The following NCKAP5 variants were observed in gnomAD, a reference collection of about 807,000 sequenced individuals.
NCKAP5 encodes the protein NCK associated protein 5.
Under a neutral mutation model 167.0 loss-of-function variants are expected in NCKAP5, and 92 were observed. The ratio of observed to expected loss-of-function variants is 0.55; its 90% CI spans 0.47 to 0.66. NCKAP5 has a LOEUF of 0.66. Among genes scored for constraint, NCKAP5 ranks in the 30% least tolerant of loss-of-function variants. The pLI is 0.00. For missense variants in NCKAP5, 2,378 were observed against 2,315.0 expected (o/e 1.03, Z -0.56); for synonymous variants, 891 against 877.4 (o/e 1.02, Z -0.27).
At chr2:133,173,802 C>G (rs1315836976) in intron 5 of NCKAP5, among the ~76,000 whole-genome samples, 1 of 152,142 alleles carries the variant, frequency 6.6e-6, no homozygotes, top group Non-Finnish European at 1.5e-5. Context: ...AAAATAAAAT[C>G]TGTTTTTGCC....
rs183662356 is a variant in NCKAP5, at chr2:133,520,019, C to T, written c.-61-2432G>A. Among the ~76,000 whole-genome samples, 338 of 151,838 alleles carry T rather than the reference C, an allele frequency of 2.2e-3. 5 individuals are homozygous for T. The highest frequency in any genetic ancestry group is 7.5e-3 in the African/African-American group (311 of 41,382). Reference sequence around the variant, plus strand: ...TGGCCAACATGGTGAAACCCCATCTCTACTAAAAATAAAAAAAAAAAATTA... The same window carrying T: ...TGGCCAACATGGTGAAACCCCATCTTTACTAAAAATAAAAAAAAAAAATTA... On this transcript the variant is annotated intron_variant, in intron 2 of 19. Transcript: ENST00000409261.
At chr2:132,989,151 G>A (rs2077380907) in intron 7 of NCKAP5, among the ~76,000 whole-genome samples, 1 of 152,188 alleles carries the variant, frequency 6.6e-6, no homozygotes, top group Non-Finnish European at 1.5e-5. Flanking sequence ...CCTGTAAAGG[G>A]GGTAACCCTT....
At chr2:133,598,126 C>T in the NCKAP5 span, among the ~76,000 whole-genome samples, 54 of 152,306 alleles carry the variant, frequency 3.5e-4, no homozygotes, top group African/African-American at 1.0e-3. Context: ...CTCTCTATGC[C>T]TAATTTCCTC....
At chr2:133,560,224 A>G (rs1688061608) in intron 1 of NCKAP5, among the ~76,000 whole-genome samples, 1 of 152,212 alleles carries the variant, frequency 6.6e-6, no homozygotes, top group Non-Finnish European at 1.5e-5. Flanking sequence ...TGGAGAAGAG[A>G]AAGTACTAAT....
intron 7 of NCKAP5, among the ~76,000 whole-genome samples, chr2:132,971,269 C>A (rs1015016788): frequency 6.6e-6 from 1 of 152,050 alleles, no homozygotes; most frequent in Non-Finnish European, 1.5e-5. Context: ...AGAGGTTTCC[C>A]AGAATGAGGT....
the NCKAP5 span, among the ~76,000 whole-genome samples, chr2:133,627,088 A>T: frequency 1.3e-5 from 2 of 152,056 alleles, no homozygotes; most frequent in Non-Finnish European, 2.9e-5. Context: ...TGGCCATAAA[A>T]CATATTGGCC....
At chr2:132,811,381 C>A (rs944561452) in intron 11 of NCKAP5, among the ~76,000 whole-genome samples, 4 of 152,032 alleles carry the variant, frequency 2.6e-5, no homozygotes, top group Admixed American at 1.3e-4. Flanking sequence ...AGGGAAAGAC[C>A]ATCAAGTGGG....
chr2:133,272,555 T>A (rs1257145434), intron 4 of NCKAP5, among the ~76,000 whole-genome samples: 1 of 152,128 alleles, frequency 6.6e-6, no homozygotes, highest in East Asian at 1.9e-4. Context: ...TGAAAAAAAA[T>A]TTGCTGCTGC....
At chr2:133,025,121 TC>T (rs2078652498) in intron 6 of NCKAP5, among the ~76,000 whole-genome samples, 2 of 152,236 alleles carry the variant, frequency 1.3e-5, no homozygotes, top group African/African-American at 4.8e-5. Context: ...CACTTTACCA[TC>T]CTTATTACCA....
chr2:133,148,361 A>G (rs778404443), intron 5 of NCKAP5, among the ~76,000 whole-genome samples: 6 of 152,098 alleles, frequency 3.9e-5, no homozygotes, highest in Non-Finnish European at 5.9e-5. Flanking sequence ...TAGTGCCTTT[A>G]AAGAGTTTGT....
At chr2:133,327,821 T>C (rs1394980455) in intron 3 of NCKAP5, among the ~76,000 whole-genome samples, 2 of 152,128 alleles carry the variant, frequency 1.3e-5, no homozygotes, top group Non-Finnish European at 1.5e-5. Flanking sequence ...AGTGAATGCA[T>C]AGACCAGTGC....
the NCKAP5 span, among the ~76,000 whole-genome samples, chr2:133,590,539 AAAAAAAG>A: frequency 6.6e-6 from 1 of 151,468 alleles, no homozygotes; most frequent in Non-Finnish European, 1.5e-5. Context: ...AAAAAAAAAA[AAAAAAAG>A]AAAGTGGTGA....
At chr2:133,176,993 A>G (rs780281332) in intron 5 of NCKAP5, among the ~76,000 whole-genome samples, 1 of 152,102 alleles carries the variant, frequency 6.6e-6, no homozygotes, top group Non-Finnish European at 1.5e-5. Context: ...AGCCCTCACT[A>G]ATAAAGTTAA....
intron 3 of NCKAP5, among the ~76,000 whole-genome samples, chr2:133,376,243 G>A (rs954060304): frequency 6.6e-6 from 1 of 152,132 alleles, no homozygotes; most frequent in African/African-American, 2.4e-5. Flanking sequence ...CACTTATGAA[G>A]ACCATGTTAT....
At position 133,562,931 on chromosome 2, in the gene NCKAP5, G is replaced by A. The variant is rs184933503; in HGVS notation, c.-129-3814C>T. 2.2e-3 allele frequency among the ~76,000 whole-genome samples: 337 copies of A among 152,264 alleles called. 2 individuals carry two copies. Among genetic ancestry groups the A allele is most frequent in the African/African-American group, 7.1e-3 (297 of 41,548 alleles). On this transcript the variant is annotated intron_variant, in intron 1 of 19. Coordinates refer to ENST00000409261, the MANE Select transcript of NCKAP5 (RefSeq NM_207363.3). ...TTTATTATTTCATCTATAAAGGAAG[G>A]ACAATTGGGAATCCAAAATTCCAAA...
chr2:133,238,383 T>C (rs1279382153), intron 4 of NCKAP5, among the ~76,000 whole-genome samples: 1 of 152,110 alleles, frequency 6.6e-6, no homozygotes, highest in Non-Finnish European at 1.5e-5. Context: ...TCTGGTAGTA[T>C]CACTGCCAGG....
chr2:133,204,550 G>C (rs1379764452), intron 5 of NCKAP5, among the ~76,000 whole-genome samples: 3 of 152,152 alleles, frequency 2.0e-5, no homozygotes, highest in Non-Finnish European at 4.4e-5. Flanking sequence ...GAGGGGCCTT[G>C]AAATTGTTTG....
chr2:133,627,685 C>CA, the NCKAP5 span, among the ~76,000 whole-genome samples: 245 of 148,058 alleles, frequency 1.7e-3, no homozygotes, highest in Middle Eastern at 0.014. Flanking sequence ...CTCTGTGCCT[C>CA]AAAAAAAAAG....
At chr2:133,212,656 C>A (rs2086260985) in intron 5 of NCKAP5, among the ~76,000 whole-genome samples, 1 of 152,208 alleles carries the variant, frequency 6.6e-6, no homozygotes. Context: ...GCGTGAGCCA[C>A]CACACCCAGC....
Sources: gnomAD v4.1 joint callset for allele counts (sites outside exome capture counted in the v4.1 genomes callset) on GRCh38, gnomAD v4.1.1 for gene constraint, MANE v1.5 for transcripts, NCBI Gene and HGNC (gene_info 2026-07-23, HGNC 2026-07-21) for gene names.